Variants in KCNIP4 observed in about 807,000 individuals in gnomAD.
KCNIP4 encodes potassium voltage-gated channel interacting protein 4, also known as Kv channel-interacting protein 4.
In KCNIP4, 12 loss-of-function variants were observed where a neutral mutation model predicts 34.0. The observed-to-expected ratio is 0.35, with a 90% confidence interval of 0.23 to 0.57. KCNIP4 has a LOEUF of 0.57. Ranked by LOEUF, KCNIP4 falls within the 20% of genes least tolerant of loss-of-function variation. The pLI, the probability that KCNIP4 is intolerant of heterozygous loss-of-function variation, is 0.83. For missense variants in KCNIP4, 238 were observed against 311.7 expected, an observed-to-expected ratio of 0.76 and a Z score of 1.78; for synonymous variants, 124 against 102.2, an observed-to-expected ratio of 1.21 and a Z score of -1.29.
At chr4:21,940,077 TTCCAAA>T (rs1730118843) in intron 1 of KCNIP4, among the ~76,000 whole-genome samples, 1 of 152,160 alleles carries the variant, frequency 6.6e-6, no homozygotes, top group Non-Finnish European at 1.5e-5. Context: ...CTCTCCAAGC[TTCCAAA>T]TCATATGTTT....
At chr4:21,298,774 C>T (rs1214924014) in intron 1 of KCNIP4, among the ~76,000 whole-genome samples, 2 of 152,092 alleles carry the variant, frequency 1.3e-5, no homozygotes, top group Non-Finnish European at 2.9e-5. Context: ...TAGAAGATTA[C>T]AGTACACATG....
intron 1 of KCNIP4, among the ~76,000 whole-genome samples, chr4:21,166,964 A>AAAAAAG (rs1753676601): frequency 6.8e-6 from 1 of 146,490 alleles, no homozygotes; most frequent in Non-Finnish European, 1.5e-5. Context: ...AAAAAAAAAA[A>AAAAAAG]GAAGTGAGTG....
chr4:20,864,178 GTATGTATGCGTACATATGTATGTA>G (rs879851479), intron 2 of KCNIP4, among the ~76,000 whole-genome samples: 21 of 65,590 alleles, frequency 3.2e-4, no homozygotes, highest in Middle Eastern at 0.018. Flanking sequence ...GTATACACAT[GTATGTATGCGTACATATGTATGTA>G]CACACATGCA....
chr4:21,460,352 C>T (rs1042918874), intron 1 of KCNIP4, among the ~76,000 whole-genome samples: 4 of 152,042 alleles, frequency 2.6e-5, no homozygotes, highest in African/African-American at 9.7e-5. Flanking sequence ...CTGTTGGACC[C>T]CTTCTTGCTC....
chr4:21,332,580 C>T (rs1442886816), intron 1 of KCNIP4, among the ~76,000 whole-genome samples: 2 of 152,006 alleles, frequency 1.3e-5, no homozygotes, highest in Non-Finnish European at 2.9e-5. Flanking sequence ...ACAGGCACAG[C>T]AACCCTGACT....
At chr4:21,183,344 T>C (rs1421757361) in intron 1 of KCNIP4, among the ~76,000 whole-genome samples, 1 of 152,162 alleles carries the variant, frequency 6.6e-6, no homozygotes, top group Non-Finnish European at 1.5e-5. Context: ...TTTTTTTTCC[T>C]TTGGATATAT....
chr4:21,306,592 T>C (rs1347825304), intron 1 of KCNIP4, among the ~76,000 whole-genome samples: 1 of 152,162 alleles, frequency 6.6e-6, no homozygotes, highest in Non-Finnish European at 1.5e-5. Context: ...ATGAAAAGCA[T>C]CCAAACTAGT....
intron 1 of KCNIP4, among the ~76,000 whole-genome samples, chr4:21,167,810 A>G (rs1337962655): frequency 6.6e-6 from 1 of 152,224 alleles, no homozygotes; most frequent in African/African-American, 2.4e-5. Context: ...ATTAACAATG[A>G]GAGCAAGGTT....
intron 1 of KCNIP4, among the ~76,000 whole-genome samples, chr4:21,570,537 A>C (rs1740282432): frequency 6.6e-6 from 1 of 152,144 alleles, no homozygotes; most frequent in South Asian, 2.1e-4. Flanking sequence ...AATAAGTCTA[A>C]AAAGGGAGGA....
At chr4:21,396,332 G>T (rs535274558) in intron 1 of KCNIP4, among the ~76,000 whole-genome samples, 4 of 151,796 alleles carry the variant, frequency 2.6e-5, no homozygotes, top group Admixed American at 6.6e-5. Flanking sequence ...AAGGTGGGTG[G>T]ATCACCTCAG....
intron 1 of KCNIP4, among the ~76,000 whole-genome samples, chr4:21,255,471 A>G (rs1481885602): frequency 1.3e-5 from 2 of 152,090 alleles, no homozygotes; most frequent in African/African-American, 4.8e-5. Context: ...CCATTTGTCA[A>G]TGTTCAGTTC....
chr4:20,866,002 G>C (rs1246974861), intron 2 of KCNIP4, among the ~76,000 whole-genome samples: 1 of 151,920 alleles, frequency 6.6e-6, no homozygotes, highest in Non-Finnish European at 1.5e-5. Context: ...TTCTGAAATT[G>C]AGTCAGTAAT....
Position 21,731,297 on chromosome 4 carries a change from AAG to A in KCNIP4, c.61+217272_61+217273del, listed in dbSNP as rs1197565171. Among the ~76,000 whole-genome samples the A allele has an allele frequency of 8.5e-5, 13 of 152,210 alleles. No individual in the cohort carries two copies. In the East Asian group the frequency reaches 1.5e-3, roughly 18 times the overall value. On this transcript the variant is annotated intron_variant, in intron 1 of 8. Coordinates refer to ENST00000382152, the MANE Select transcript of KCNIP4 (RefSeq NM_025221.6). ...CATCAAGAGAAGGTACATACACACAAAGAGAGAGAGTGAGAGAGCTATACACA... is the reference window on the plus strand; with the variant it reads ...CATCAAGAGAAGGTACATACACACAAAGAGAGAGTGAGAGAGCTATACACA...
At chr4:21,497,638 G>A (rs897863530) in intron 1 of KCNIP4, among the ~76,000 whole-genome samples, 3 of 152,140 alleles carry the variant, frequency 2.0e-5, no homozygotes, top group Admixed American at 2.0e-4. Flanking sequence ...CATGTTGACA[G>A]TCTTCTACAG....
chr4:21,870,581 C>T (rs984571860), intron 1 of KCNIP4, among the ~76,000 whole-genome samples: 5 of 152,180 alleles, frequency 3.3e-5, no homozygotes, highest in African/African-American at 1.2e-4. Context: ...TATGTATGAA[C>T]AGCTCCCATA....
chr4:21,312,011 C>G (rs1713239549), intron 1 of KCNIP4, among the ~76,000 whole-genome samples: 1 of 152,122 alleles, frequency 6.6e-6, no homozygotes, highest in Non-Finnish European at 1.5e-5. Context: ...AGACAATATC[C>G]TTAATGATGA....
intron 1 of KCNIP4, among the ~76,000 whole-genome samples, chr4:21,389,780 A>C (rs935741821): frequency 6.6e-6 from 1 of 152,058 alleles, no homozygotes; most frequent in African/African-American, 2.4e-5. Flanking sequence ...ATGTGTCTTT[A>C]TAGCAGCATA....
intron 1 of KCNIP4, among the ~76,000 whole-genome samples, chr4:21,932,142 A>G (rs531719658): frequency 2.1e-4 from 32 of 152,276 alleles, no homozygotes; most frequent in African/African-American, 7.7e-4. Flanking sequence ...CCTATACCAT[A>G]TGCCTTTTTT....
intron 1 of KCNIP4, among the ~76,000 whole-genome samples, chr4:21,055,061 C>T (rs1743284141): frequency 6.6e-6 from 1 of 151,936 alleles, no homozygotes; most frequent in Admixed American, 6.6e-5. Context: ...ACTCTTAAGA[C>T]TCAACAGTAA....
Sources: gnomAD v4.1 joint callset for allele counts (sites outside exome capture counted in the v4.1 genomes callset) on GRCh38, gnomAD v4.1.1 for gene constraint, MANE v1.5 for transcripts, NCBI Gene and HGNC (gene_info 2026-07-23, HGNC 2026-07-21) for gene names.